The following BBC3 variants were observed in gnomAD, a reference collection of about 807,000 sequenced individuals.
The protein encoded by BBC3 is BCL2 binding component 3, also known as bcl-2-binding component 3.
In BBC3, 5 loss-of-function variants were observed where a neutral mutation model predicts 18.2. The ratio of observed to expected loss-of-function variants is 0.27; its 90% confidence interval spans 0.14 to 0.58. The LOEUF (loss-of-function observed/expected upper bound fraction) is 0.58, where lower values mean the gene tolerates loss of function less well. Among genes scored for constraint, BBC3 ranks in the 20% least tolerant of loss-of-function variants. The probability of loss-of-function intolerance (pLI) is 0.91; values close to 1 mark genes in which losing one functional copy is unlikely to be tolerated. For synonymous variants in BBC3, 119 were observed against 128.0 expected, an observed-to-expected ratio of 0.93 and a Z score of 0.47; for missense variants, 224 against 268.9, an observed-to-expected ratio of 0.83 and a Z score of 1.17.
Position 47,221,666 on chromosome 19 carries a change from G to A in BBC3, c.*136C>T, listed in dbSNP as rs1012064918. 44 of 1,517,210 alleles carry A rather than the reference G, an allele frequency of 2.9e-5. No homozygotes were observed. Among genetic ancestry groups the A allele is most frequent in the Admixed American group, 7.0e-5 (3 of 42,886 alleles). 94.0% of individuals were successfully genotyped at this position (1,517,210 alleles called of 1,614,324 possible). ...GGGGCTGGAGTGGCTGCCCCGGCCC[G>A]CCCCCGGGACAGGCAGGGCTGGGAG... is the stretch of plus-strand genomic sequence containing the variant. On this transcript the variant is annotated 3_prime_UTR_variant, in exon 4 of 4. Transcript: ENST00000439096.
chr19:47,231,822 A>G (rs2058918461), upstream of BBC3, among the ~76,000 whole-genome samples: 1 of 152,124 alleles, frequency 6.6e-6, no homozygotes, highest in African/African-American at 2.4e-5. The surrounding 1 kb of genome is among the most constrained non-coding windows in gnomAD (Gnocchi z 4.0). Flanking sequence ...CTGTGTTCAC[A>G]AACAACCCTA....
rs1277941099 is a variant in BBC3 at position 47,221,723 on chromosome 19, C to T, written c.*79G>A. The T allele has an allele frequency of 6.3e-7, 1 of 1,597,328 alleles. No individual in the cohort carries two copies. Among genetic ancestry groups the T allele is most frequent in the South Asian group, 1.1e-5 (1 of 89,576 alleles). Reference sequence around the variant, plus strand: ...ATGCTACATGGTGCAGAGAAAGTCCCCCGCGCTGGCCAGGGTGTCAGGAGG... The same window carrying T: ...ATGCTACATGGTGCAGAGAAAGTCCTCCGCGCTGGCCAGGGTGTCAGGAGG... On this transcript the variant is annotated 3_prime_UTR_variant, in exon 4 of 4. Transcript: ENST00000439096.
intron 2 of BBC3, among the ~76,000 whole-genome samples, chr19:47,227,442 A>G (rs2123383456): frequency 6.6e-6 from 1 of 152,106 alleles, no homozygotes; most frequent in African/African-American, 2.4e-5. Flanking sequence ...CTTGGCCTTG[A>G]AATCGGTGTC....
chr19:47,226,621 C>T lies in BBC3; in HGVS notation c.408G>A (p.Glu136=). 1 of 1,573,402 alleles carries T rather than the reference C, an allele frequency of 6.4e-7. No homozygotes were observed. The highest frequency in any genetic ancestry group is 1.2e-5 in the South Asian group (1 of 86,604). The change falls in exon 3 of 4, where the codon GAG becomes GAA. Residue 136 remains glutamate (E), a synonymous_variant. Coordinates refer to ENST00000439096, the MANE Select transcript of BBC3 (RefSeq NM_014417.5). ...VRGEEEQWAR[E]IGAQLRRMAD... ...CCATCCGCCGCAGCTGGGCCCCGATCTCCCGGGCCCACTGTTCCTCCTCCC... is the reference window on the plus strand; with the variant it reads ...CCATCCGCCGCAGCTGGGCCCCGATTTCCCGGGCCCACTGTTCCTCCTCCC...
At chr19:47,223,702 T>G (rs2058777890) in intron 3 of BBC3, among the ~76,000 whole-genome samples, 1 of 152,110 alleles carries the variant, frequency 6.6e-6, no homozygotes, top group Non-Finnish European at 1.5e-5. Flanking sequence ...AGAAACTCAC[T>G]TTACAGAAGG....
upstream of BBC3, chr19:47,232,648 G>T: frequency 6.7e-7 from 1 of 1,491,702 alleles, no homozygotes. Context: ...GTTTCTCATT[G>T]TTACTTCCTG....
rs534628219 is a variant in BBC3 at position 47,224,865 on chromosome 19, A to G, written c.465+1699T>C. 5.5e-4 allele frequency among the ~76,000 whole-genome samples: 83 copies of G among 151,484 alleles called. 1 individual carries two copies. The Middle Eastern group carries it at 0.014, about 25-fold the overall frequency. On this transcript the variant is annotated intron_variant, in intron 3 of 3. Coordinates refer to ENST00000439096, the MANE Select transcript of BBC3 (RefSeq NM_014417.5). Reference sequence around the variant, plus strand: ...GAGATTCTCCTGCCTCAGTCTCCCAAGTAGCTGGGATTACTGGCGTGTGCC... The same window carrying G: ...GAGATTCTCCTGCCTCAGTCTCCCAGGTAGCTGGGATTACTGGCGTGTGCC...
Position 47,231,112 on chromosome 19 carries a change from G to C in BBC3, c.-199C>G. On this transcript the variant is annotated 5_prime_UTR_variant, in exon 1 of 4. Transcript: ENST00000439096. The surrounding 1 kb of genome is among the most constrained non-coding windows in gnomAD (Gnocchi z 4.0). ...TGCTGCTGCTCCCCGGGCCGCAGGCGCGTCCGCGTCGTGGCCGCTGCTGGG... is the reference window on the plus strand; with the variant it reads ...TGCTGCTGCTCCCCGGGCCGCAGGCCCGTCCGCGTCGTGGCCGCTGCTGGG... 1.0e-6 allele frequency: 1 copy of C among 977,338 alleles called. No individual in the cohort carries two copies. The highest frequency in any genetic ancestry group is 1.2e-6 in the Non-Finnish European group (1 of 822,146). The allele number at this position is 977,338 out of a possible 1,614,324, so 60.5% of individuals were successfully genotyped here.
At chr19:47,226,273 C>A (rs1434170563) in intron 3 of BBC3, among the ~76,000 whole-genome samples, 1 of 151,800 alleles carries the variant, frequency 6.6e-6, no homozygotes, top group Non-Finnish European at 1.5e-5. Context: ...GCGCCGCCCT[C>A]AGTCCCCGCG....
At chr19:47,226,126 G>T (rs1034458783) in intron 3 of BBC3, among the ~76,000 whole-genome samples, 57 of 151,624 alleles carry the variant, frequency 3.8e-4, no homozygotes, top group Non-Finnish European at 7.1e-4. Context: ...CCACCCCTGC[G>T]GTCCCCGGCC....
rs1297685837 is a variant in BBC3, at chr19:47,230,271, C to T, written c.-16+658G>A. 6.6e-6 allele frequency among the ~76,000 whole-genome samples: 1 copy of T among 152,138 alleles called. No homozygotes were observed. The highest frequency in any genetic ancestry group is 6.5e-5 in the Admixed American group (1 of 15,274). On this transcript the variant is annotated intron_variant, in intron 1 of 3. Coordinates refer to ENST00000439096, the MANE Select transcript of BBC3 (RefSeq NM_014417.5). The surrounding 1 kb of genome is among the most constrained non-coding windows in gnomAD (Gnocchi z 6.7). ...ACATTCCTCTGGATCGACACCACCACTCCCTGCAGAACCCAGCACAAACTC... is the reference window on the plus strand; with the variant it reads ...ACATTCCTCTGGATCGACACCACCATTCCCTGCAGAACCCAGCACAAACTC...
At chr19:47,227,889 T>TG (rs1464332468) in intron 2 of BBC3, among the ~76,000 whole-genome samples, 1 of 152,150 alleles carries the variant, frequency 6.6e-6, no homozygotes, top group Non-Finnish European at 1.5e-5. Flanking sequence ...GGGATGCAGC[T>TG]GTTGCCCCAG....
At position 47,230,870 on chromosome 19, in the gene BBC3, G is replaced by A; in HGVS notation, c.-16+59C>T. On this transcript the variant is annotated intron_variant, in intron 1 of 3. Transcript: ENST00000439096. The surrounding 1 kb of genome is among the most constrained non-coding windows in gnomAD (Gnocchi z 6.7). ...GCCTGCACTCCTGTCACCTCCTCCA[G>A]GGAGTCCACCCGGCCTGGCCGATCG... 1 of 981,956 alleles carries A rather than the reference G, an allele frequency of 1.0e-6. No individual in the cohort carries two copies. Among genetic ancestry groups the A allele is most frequent in the African/African-American group, 1.7e-5 (1 of 57,202 alleles). 60.8% of individuals were successfully genotyped at this position (981,956 alleles called of 1,614,324 possible). A position where few individuals can be genotyped will look rare whatever the true frequency, so the allele number is the denominator to read the frequency against.
At position 47,228,048 on chromosome 19, in the gene BBC3, G is replaced by T; in HGVS notation, c.274+110C>A. 2 of 920,088 alleles carry T rather than the reference G, an allele frequency of 2.2e-6. No homozygotes were observed. Among genetic ancestry groups the T allele is most frequent in the Non-Finnish European group, 1.4e-6 (1 of 712,700 alleles). 57.0% of individuals were successfully genotyped at this position (920,088 alleles called of 1,614,324 possible). ...ATTGGCCACACCCTCCCAGTGGCCC[G>T]GCTGGGCCCGCCACCTCCCCCCGTC... On this transcript the variant is annotated intron_variant, in intron 2 of 3. Transcript: ENST00000439096. This position sits in a 1 kb window ranked among gnomAD's most constrained non-coding sequence, Gnocchi z 5.5.
In BBC3 at chr19:47,228,440, C is replaced by G; in HGVS notation, c.-9G>C. ...TGGCGTGCGCGGGCCATGGCGCTCC[C>G]TGGGGCCTGCGGGACACGGGAGGAG... On this transcript the variant is annotated 5_prime_UTR_variant, in exon 2 of 4. Coordinates refer to ENST00000439096, the MANE Select transcript of BBC3 (RefSeq NM_014417.5). The surrounding 1 kb of genome is among the most constrained non-coding windows in gnomAD (Gnocchi z 5.5). The G allele has an allele frequency of 2.4e-6, 3 of 1,231,806 alleles. No individual in the cohort carries two copies. The highest frequency in any genetic ancestry group is 3.0e-6 in the Non-Finnish European group (3 of 987,696). The allele number at this position is 1,231,806 out of a possible 1,614,324, so 76.3% of individuals were successfully genotyped here.
intron 2 of BBC3, among the ~76,000 whole-genome samples, chr19:47,227,381 T>C (rs914629235): frequency 9.5e-5 from 13 of 137,024 alleles, no homozygotes; most frequent in African/African-American, 2.7e-4. Flanking sequence ...GGTCCTGGCC[T>C]GAGGGTTCCC....
intron 3 of BBC3, among the ~76,000 whole-genome samples, chr19:47,223,136 T>C (rs1358666139): frequency 1.3e-5 from 2 of 150,318 alleles, no homozygotes; most frequent in African/African-American, 4.9e-5. Context: ...CCGGGTGTGG[T>C]GGCGGGCGCC....
Position 47,221,734 on chromosome 19 carries a change from C to A in BBC3, c.*68G>T. 6.2e-7 allele frequency: 1 copy of A among 1,602,496 alleles called. No homozygotes were observed. The highest frequency in any genetic ancestry group is 8.5e-7 in the Non-Finnish European group (1 of 1,176,938). On this transcript the variant is annotated 3_prime_UTR_variant, in exon 4 of 4. Coordinates refer to ENST00000439096, the MANE Select transcript of BBC3 (RefSeq NM_014417.5). ...TGCAGAGAAAGTCCCCCGCGCTGGCCAGGGTGTCAGGAGGTGGGAGGGGCC... is the reference window on the plus strand; with the variant it reads ...TGCAGAGAAAGTCCCCCGCGCTGGCAAGGGTGTCAGGAGGTGGGAGGGGCC...
At chr19:47,226,346 C>T (rs1372763473) in intron 3 of BBC3, among the ~76,000 whole-genome samples, 1 of 151,954 alleles carries the variant, frequency 6.6e-6, no homozygotes, top group Admixed American at 6.6e-5. Flanking sequence ...CTGGCCCTGG[C>T]CCTGGCTCGG....
Sources: gnomAD v4.1 joint callset for allele counts (sites outside exome capture counted in the v4.1 genomes callset) on GRCh38, gnomAD v4.1.1 for gene constraint, Gnocchi (gnomAD v3.1) non-coding constraint, MANE v1.5 for transcripts, NCBI Gene and HGNC (gene_info 2026-07-23, HGNC 2026-07-21) for gene names.